The following CEP89 variants were observed in gnomAD, a reference collection of about 807,000 sequenced individuals.
CEP89 encodes centrosomal protein of 89 kDa.
In CEP89, 95 loss-of-function variants were observed where a neutral mutation model predicts 97.6. The observed-to-expected ratio is 0.97, with a 90% confidence interval of 0.82 to 1.15. CEP89 has a LOEUF of 1.15. CEP89 is among the 50% of genes most tolerant of loss of function. The probability of loss-of-function intolerance (pLI) is 0.00; values close to 1 mark genes in which losing one functional copy is unlikely to be tolerated. For synonymous variants in CEP89, 354 were observed against 349.1 expected (o/e 1.01, Z -0.16); for missense variants, 869 against 947.7 (o/e 0.92, Z 1.09).
chr19:32,887,155 C>A (rs1969416683), intron 17 of CEP89, among the ~76,000 whole-genome samples: 1 of 151,760 alleles, frequency 6.6e-6, no homozygotes, highest in Non-Finnish European at 1.5e-5. Context: ...CATGTCACTG[C>A]ACTCCAGCCT....
At chr19:32,923,601 G>A in intron 11 of CEP89, 59 bp from the exon 12 acceptor site, 1 of 1,075,970 alleles carries the variant, frequency 9.3e-7, no homozygotes, top group South Asian at 1.3e-5. Flanking sequence ...ATATTTCTCA[G>A]TTCTGGTGCT....
At position 32,948,366 on chromosome 19, in the gene CEP89, C is replaced by A. The variant is rs775579685; in HGVS notation, c.495G>T (p.Val165=). 1.3e-6 allele frequency: 2 copies of A among 1,593,852 alleles called. No homozygotes were observed. Among genetic ancestry groups the A allele is most frequent in the South Asian group, 1.1e-5 (1 of 89,158 alleles). Residue 165 remains valine (V), a splice_region_variant and synonymous_variant, in exon 5 of 19, where the codon GTG becomes GTT. Transcript: ENST00000305768. ...DLYAVPHRNQ[V]PLLHEVNSED... The stretch of plus-strand genomic sequence containing the variant: ...CACTGTTCACCTCATGTAACAATGG[C>A]ACCTTTTTGTTATAAAAGACAAAGG...
chr19:32,933,845 G>A (rs369545837), intron 7 of CEP89, among the ~76,000 whole-genome samples, 176 bp from the exon 8 acceptor site: 20 of 152,332 alleles, frequency 1.3e-4, no homozygotes, highest in African/African-American at 3.4e-4. Context: ...CACAGCGGGT[G>A]GCAGGAAGAG....
chr19:32,915,391 G>C lies in CEP89; in HGVS notation c.1511C>G (p.Ser504Trp), dbSNP rs764278381. 6.2e-7 allele frequency: 1 copy of C among 1,612,868 alleles called. No homozygotes were observed. The highest frequency in any genetic ancestry group is 8.5e-7 in the Non-Finnish European group (1 of 1,179,618). The change falls in exon 14 of 19, where the codon TCG (serine) becomes TGG (tryptophan). Residue 504 changes from serine to tryptophan, a missense_variant. Physicochemically the swap from Ser to Trp is radical, Grantham distance 177. Coordinates refer to ENST00000305768, the MANE Select transcript of CEP89 (RefSeq NM_032816.5). ...AACTTCCACTGCGATTTTGCCATCC[G>C]AGTGTGTTTTGAGTTCTTGGCATTT... The part of the protein sequence containing the change: ...RAKCQELKTH[S>W]DGKIAVEVHK...
At position 32,943,340 on chromosome 19, in the gene CEP89, C is replaced by T. The variant is rs142117369; in HGVS notation, c.596-3455G>A. Among the ~76,000 whole-genome samples, 430 of 152,258 alleles carry T rather than the reference C, an allele frequency of 2.8e-3. 2 individuals are homozygous for T. Among genetic ancestry groups the T allele is most frequent in the African/African-American group, 1.0e-2 (415 of 41,536 alleles). On this transcript the variant is annotated intron_variant, in intron 5 of 18. Coordinates refer to ENST00000305768, the MANE Select transcript of CEP89 (RefSeq NM_032816.5). ...AAAGAAAATTCACATGACATGAACACATTCTTGCTGTCAAAAATTTTAATG... is the reference window on the plus strand; with the variant it reads ...AAAGAAAATTCACATGACATGAACATATTCTTGCTGTCAAAAATTTTAATG...
At chr19:32,953,865 A>ATTTTT in intron 3 of CEP89, 64 bp from the exon 4 acceptor site, 3 of 977,768 alleles carry the variant, frequency 3.1e-6, no homozygotes, top group Non-Finnish European at 4.4e-6. Context: ...ACTGATAAAT[A>ATTTTT]TCTTTTTTTT....
rs1969186253 is a variant in CEP89 at position 32,876,863 on chromosome 19, TAAAGC to T, written c.*2294_*2298del. 2 of 152,238 alleles carry T rather than the reference TAAAGC, an allele frequency of 1.3e-5. No individual in the cohort carries two copies. The highest frequency in any genetic ancestry group is 2.1e-4 in the South Asian group (1 of 4,834). The allele number at this position is 152,238 out of a possible 1,614,324, so 9.4% of individuals were successfully genotyped here. A position where few individuals can be genotyped will look rare whatever the true frequency, so the allele number is the denominator to read the frequency against. On this transcript the variant is annotated 3_prime_UTR_variant, in exon 19 of 19. Coordinates refer to ENST00000305768, the MANE Select transcript of CEP89 (RefSeq NM_032816.5). Reference sequence around the variant, plus strand: ...GTATGTTTGCACTGTGTGAAAAACTTAAAGCAGAAACATAAGAACAAAAGTGGACA... The same window carrying T: ...GTATGTTTGCACTGTGTGAAAAACTTAGAAACATAAGAACAAAAGTGGACA...
At chr19:32,905,613 T>C (rs1201079556) in intron 14 of CEP89, among the ~76,000 whole-genome samples, 1 of 152,226 alleles carries the variant, frequency 6.6e-6, no homozygotes, top group Non-Finnish European at 1.5e-5. Flanking sequence ...AATTTTCAAA[T>C]GTATTGACAT....
chr19:32,925,980 C>G (rs1002925155), intron 11 of CEP89, among the ~76,000 whole-genome samples: 5 of 152,106 alleles, frequency 3.3e-5, no homozygotes, highest in Non-Finnish European at 7.4e-5. Flanking sequence ...CCCTCCTGCT[C>G]TGCCAATCAC....
chr19:32,881,704 T>A, intron 18 of CEP89, 140 bp downstream of exon 18: 1 of 752,948 alleles, frequency 1.3e-6, no homozygotes, highest in Non-Finnish European at 2.0e-6. Context: ...TTGAGACCAA[T>A]ATTACATTCA....
At chr19:32,890,939 G>A (rs930642216) in intron 16 of CEP89, among the ~76,000 whole-genome samples, 2 of 152,128 alleles carry the variant, frequency 1.3e-5, no homozygotes, top group Admixed American at 1.3e-4. Context: ...CACATCCCTG[G>A]AGCGCCACGG....
intron 5 of CEP89, among the ~76,000 whole-genome samples, chr19:32,947,553 C>T (rs1040472676): frequency 6.6e-6 from 1 of 152,070 alleles, no homozygotes; most frequent in Non-Finnish European, 1.5e-5. Flanking sequence ...TACAATGGTG[C>T]GATCTCAGCT....
chr19:32,971,927 C>T lies in CEP89; in HGVS notation c.-53G>A. 1 of 1,556,770 alleles carries T rather than the reference C, an allele frequency of 6.4e-7. No individual in the cohort carries two copies. The highest frequency in any genetic ancestry group is 8.7e-7 in the Non-Finnish European group (1 of 1,147,532). ...GGCCTGGACTCATCAGCAGATCTAT[C>T]CACAGCCAGGGACCACTCCCTAAAG... is the stretch of plus-strand genomic sequence containing the variant. On this transcript the variant is annotated 5_prime_UTR_variant, in exon 1 of 19. Coordinates refer to ENST00000305768, the MANE Select transcript of CEP89 (RefSeq NM_032816.5).
intron 11 of CEP89, among the ~76,000 whole-genome samples, chr19:32,925,639 C>T (rs1481783522): frequency 6.6e-6 from 1 of 151,988 alleles, no homozygotes; most frequent in Admixed American, 6.6e-5. Flanking sequence ...CAGGTACGTG[C>T]CACCACACCA....
At chr19:32,918,409 T>C in intron 12 of CEP89, 70 bp from the exon 13 acceptor site, 1 of 1,136,916 alleles carries the variant, frequency 8.8e-7, no homozygotes, top group Non-Finnish European at 1.3e-6. Context: ...CTCTGGAATC[T>C]AAAAGGAAGC....
At chr19:32,951,520 TATATATATATATATAC>T (rs1242132166) in intron 4 of CEP89, among the ~76,000 whole-genome samples, 1,591 of 50,934 alleles carry the variant, frequency 0.031, 32 homozygotes, top group African/African-American at 0.1. Context: ...ATTATATATA[TATATATATATATATAC>T]ACACACACAC....
rs1000703982 is a variant in CEP89 at position 32,877,659 on chromosome 19, G to A, written c.*1503C>T. 5 of 152,092 alleles carry A rather than the reference G, an allele frequency of 3.3e-5. No homozygotes were observed. The highest frequency in any genetic ancestry group is 1.2e-4 in the African/African-American group (5 of 41,350). 9.4% of individuals were successfully genotyped at this position (152,092 alleles called of 1,614,324 possible). A position where few individuals can be genotyped will look rare whatever the true frequency, so the allele number is the denominator to read the frequency against. Reference sequence around the variant, plus strand: ...ATTACCTTCCCAGACCAGGCGCGGTGGCTCATACCTATAATCCCAACACTT... The same window carrying A: ...ATTACCTTCCCAGACCAGGCGCGGTAGCTCATACCTATAATCCCAACACTT... On this transcript the variant is annotated 3_prime_UTR_variant, in exon 19 of 19. Coordinates refer to ENST00000305768, the MANE Select transcript of CEP89 (RefSeq NM_032816.5).
chr19:32,904,271 T>C (rs1341593450), intron 14 of CEP89, among the ~76,000 whole-genome samples: 4 of 152,198 alleles, frequency 2.6e-5, no homozygotes. Context: ...AAAACACACG[T>C]TATCTTCAGA....
At chr19:32,963,213 G>A (rs907430713) in intron 2 of CEP89, among the ~76,000 whole-genome samples, 2 of 151,964 alleles carry the variant, frequency 1.3e-5, no homozygotes, top group African/African-American at 2.4e-5. Flanking sequence ...AAAATTAGCC[G>A]GGTGTGGTGG....
Sources: allele counts gnomAD v4.1 joint callset (sites outside exome capture counted in the v4.1 genomes callset), GRCh38; gene constraint gnomAD v4.1.1; transcripts MANE v1.5; gene names NCBI Gene and HGNC (gene_info 2026-07-23, HGNC 2026-07-21).